The following C2CD5 variants were observed in gnomAD, a reference collection of about 807,000 sequenced individuals.
C2CD5 encodes C2 calcium dependent domain containing 5, also known as C2 domain-containing protein 5.
Under a neutral mutation model 130.3 loss-of-function variants are expected in C2CD5, and 109 were observed. That is an observed-to-expected ratio of 0.84 (90% CI 0.72 to 0.98). C2CD5 has a LOEUF of 0.98. Ranked by LOEUF, C2CD5 falls within the 50% of genes least tolerant of loss-of-function variation. The pLI is 0.00. For missense variants in C2CD5, 996 were observed against 1,261.8 expected (o/e 0.79, Z 3.19); for synonymous variants, 454 against 429.2 (o/e 1.06, Z -0.71).
At chr12:22,459,596 C>T (rs1034124058) in intron 22 of C2CD5, 54 bp from the exon 23 acceptor site, 10 of 1,104,964 alleles carry the variant, frequency 9.1e-6, no homozygotes, top group Non-Finnish European at 1.3e-5. Flanking sequence ...AAGCCAGTAC[C>T]TCTTCTTTGT....
At chr12:22,519,203 G>A in intron 7 of C2CD5, 1 of 1,535,932 alleles carries the variant, frequency 6.5e-7, no homozygotes, top group Non-Finnish European at 8.7e-7. Flanking sequence ...TGTGAGTCGA[G>A]CGGCATCCAT....
Position 22,449,879 on chromosome 12 carries a change from TA to T in C2CD5, c.3036del (p.Ile1013Ter). On this transcript the variant is annotated frameshift_variant, in exon 27 of 27. Coordinates refer to ENST00000446597, the MANE Select transcript of C2CD5 (RefSeq NM_001286176.2). LOFTEE classifies it high-confidence loss of function. ...ENPNKNQAQC[L>X]INVSGDAVVF... The stretch of plus-strand genomic sequence containing the variant: ...ACCACTGCATCACCACTTACATTTA[TA>T]AGACACTGTGCCTATAAGAACAACA... The T allele has an allele frequency of 6.2e-7, 1 of 1,609,040 alleles. No individual in the cohort carries two copies. Among genetic ancestry groups the T allele is most frequent in the Non-Finnish European group, 8.5e-7 (1 of 1,176,114 alleles).
intron 22 of C2CD5, among the ~76,000 whole-genome samples, chr12:22,464,445 T>C (rs1941726542): frequency 6.6e-6 from 1 of 152,218 alleles, no homozygotes; most frequent in Non-Finnish European, 1.5e-5. Flanking sequence ...CCTTTGCTTT[T>C]TACTCCCTCT....
chr12:22,467,522 T>C (rs193128264), intron 22 of C2CD5, among the ~76,000 whole-genome samples: 90 of 152,338 alleles, frequency 5.9e-4, no homozygotes, highest in African/African-American at 1.9e-3. Context: ...AATGGGAATA[T>C]GTTAATAATT....
At chr12:22,533,561 G>A (rs1257417248) in intron 3 of C2CD5, among the ~76,000 whole-genome samples, 1 of 152,110 alleles carries the variant, frequency 6.6e-6, no homozygotes, top group African/African-American at 2.4e-5. Flanking sequence ...GAGGTGGCTG[G>A]GCGCAACATA....
At chr12:22,454,169 C>A in intron 25 of C2CD5, 127 bp from the exon 26 acceptor site, 2 of 710,104 alleles carry the variant, frequency 2.8e-6, no homozygotes, top group Non-Finnish European at 4.4e-6. Context: ...ATAACTTAAA[C>A]TTCCCTCACA....
rs1466236794 is a variant in C2CD5 at position 22,525,681 on chromosome 12, A to G, written c.374T>C (p.Val125Ala). The G allele has an allele frequency of 1.9e-6, 3 of 1,571,404 alleles. No individual in the cohort carries two copies. Among genetic ancestry groups the G allele is most frequent in the African/African-American group, 2.7e-5 (2 of 73,994 alleles). ...ATCATTGAAGAGGTCTACTTTGACA[A>G]CTACATTGATTTCCCCACGGATACC... The part of the protein sequence containing the change: ...IHGIRGEINV[V>A]VKVDLFNDLN... Residue 125 changes from valine to alanine, a missense_variant, in exon 5 of 27, where the codon GTT becomes GCT. Val to Ala is a moderately conservative substitution (Grantham distance 64). Around this residue, in one of 9 missense-constraint regions of C2CD5, gnomAD observed 68 missense variants for 154.5 expected, o/e 0.44. Coordinates refer to ENST00000446597, the MANE Select transcript of C2CD5 (RefSeq NM_001286176.2).
chr12:22,457,493 A>T (rs997918978), intron 24 of C2CD5, among the ~76,000 whole-genome samples: 4 of 152,168 alleles, frequency 2.6e-5, no homozygotes, highest in African/African-American at 4.8e-5. Context: ...TGTAGGAACA[A>T]ATTATTACAA....
At chr12:22,502,771 T>C (rs1354800049) in intron 10 of C2CD5, 2 of 1,532,738 alleles carry the variant, frequency 1.3e-6, no homozygotes, top group South Asian at 1.2e-5. Flanking sequence ...TAGCAGTTTG[T>C]AAGATCTTGT....
At chr12:22,456,885 CA>C in intron 25 of C2CD5, 85 bp downstream of exon 25, 1 of 809,520 alleles carries the variant, frequency 1.2e-6, no homozygotes, top group South Asian at 1.8e-5. Context: ...AAGTTTTTGG[CA>C]AAAAATAACA....
At chr12:22,476,605 T>C (rs1943884060) in intron 15 of C2CD5, among the ~76,000 whole-genome samples, 1 of 152,016 alleles carries the variant, frequency 6.6e-6, no homozygotes. Context: ...TTTAAACACA[T>C]CCCTGTCTCC....
In C2CD5 at chr12:22,470,837, C is replaced by T. The variant is rs749490226; in HGVS notation, c.2433G>A (p.Lys811=). The change falls in exon 21 of 27, where the codon AAG becomes AAA. Residue 811 remains lysine (K), a synonymous_variant. Transcript: ENST00000446597. ...GTAAAGATTTACCTCTTTGCAATGA[C>T]TTTTCAACAGGGGTTTTTGTGGTTT... ...ALQTTKTPVE[K]SLQRASTDNE... 1.2e-6 allele frequency: 2 copies of T among 1,609,300 alleles called. No homozygotes were observed. The highest frequency in any genetic ancestry group is 3.3e-5 in the Admixed American group (2 of 59,846).
chr12:22,457,448 A>G (rs1020152896), intron 24 of C2CD5, among the ~76,000 whole-genome samples: 3 of 152,204 alleles, frequency 2.0e-5, no homozygotes, highest in African/African-American at 7.2e-5. Flanking sequence ...AAAGTGAAGA[A>G]AAAGAAAAAG....
chr12:22,456,877 G>C, intron 25 of C2CD5, 94 bp downstream of exon 25: 1 of 722,814 alleles, frequency 1.4e-6, no homozygotes, highest in Non-Finnish European at 2.3e-6. Flanking sequence ...ATATTTGTAA[G>C]TTTTTGGCAA....
chr12:22,516,948 A>G (rs1278499772), intron 8 of C2CD5, among the ~76,000 whole-genome samples: 1 of 151,922 alleles, frequency 6.6e-6, no homozygotes, highest in Non-Finnish European at 1.5e-5. Flanking sequence ...ATTATCTAGA[A>G]AGATGAAGCT....
chr12:22,530,732 T>C (rs990600742), intron 3 of C2CD5, among the ~76,000 whole-genome samples: 1 of 151,996 alleles, frequency 6.6e-6, no homozygotes, highest in Non-Finnish European at 1.5e-5. Flanking sequence ...CCCAAGATTA[T>C]AGCTGTGAGC....
At chr12:22,481,798 ATTTT>A (rs762273958) in intron 14 of C2CD5, among the ~76,000 whole-genome samples, 1 of 93,192 alleles carries the variant, frequency 1.1e-5, no homozygotes, top group Non-Finnish European at 2.1e-5. Context: ...CACCTGGTGT[ATTTT>A]TTTTTTTTTT....
At chr12:22,497,026 A>G (rs1370867268) in intron 10 of C2CD5, among the ~76,000 whole-genome samples, 4 of 152,092 alleles carry the variant, frequency 2.6e-5, no homozygotes, top group Admixed American at 2.0e-4. Context: ...GAAAATAACA[A>G]TGTGAACAAC....
At chr12:22,496,467 T>C (rs1183774101) in intron 10 of C2CD5, among the ~76,000 whole-genome samples, 1 of 152,012 alleles carries the variant, frequency 6.6e-6, no homozygotes, top group Non-Finnish European at 1.5e-5. Flanking sequence ...ACACATGAAA[T>C]GATACAATTT....
Sources: allele counts gnomAD v4.1 joint callset (sites outside exome capture counted in the v4.1 genomes callset), GRCh38; gene constraint gnomAD v4.1.1; regional missense constraint gnomAD v4.1.1; transcripts MANE v1.5; gene names NCBI Gene and HGNC (gene_info 2026-07-23, HGNC 2026-07-21).